CTNNA2: variants seen among roughly 807,000 people sequenced by gnomAD.
The protein encoded by CTNNA2 is catenin alpha-2.
A neutral mutation model predicts 101.0 loss-of-function variants in CTNNA2; 42 were observed. The observed-to-expected ratio is 0.42, with a 90% CI of 0.32 to 0.54. The LOEUF is 0.54. Among genes scored for constraint, CTNNA2 ranks in the 20% least tolerant of loss-of-function variants. The probability of loss-of-function intolerance (pLI) is 0.14; values close to 1 mark genes in which losing one functional copy is unlikely to be tolerated. For missense variants in CTNNA2, 871 were observed against 1,223.1 expected, an observed-to-expected ratio of 0.71 and a Z score of 4.29; for synonymous variants, 450 against 456.4, an observed-to-expected ratio of 0.99 and a Z score of 0.18.
chr2:79,845,860 T>C (rs1344225260), intron 3 of CTNNA2, among the ~76,000 whole-genome samples: 2 of 152,232 alleles, frequency 1.3e-5, no homozygotes, highest in Admixed American at 6.5e-5. Flanking sequence ...TTAAATGTTA[T>C]GTCTTCTTTA....
intron 9 of CTNNA2, among the ~76,000 whole-genome samples, chr2:80,508,586 A>G (rs960918407): frequency 3.3e-5 from 5 of 150,636 alleles, no homozygotes; most frequent in Admixed American, 2.0e-4. Flanking sequence ...TCTAGTCTAT[A>G]TTTTATCTCT....
chr2:79,379,305 A>G (rs577710075), intron 4 of CTNNA2, among the ~76,000 whole-genome samples: 1 of 152,338 alleles, frequency 6.6e-6, no homozygotes, highest in Non-Finnish European at 1.5e-5. Context: ...ATGCGTTATG[A>G]ATGTATAATA....
chr2:80,287,643 C>A (rs952745912), intron 7 of CTNNA2, among the ~76,000 whole-genome samples: 3 of 152,140 alleles, frequency 2.0e-5, no homozygotes, highest in African/African-American at 7.2e-5. Flanking sequence ...CCTTGAAAGT[C>A]GAATTTTTAA....
At chr2:79,515,296 G>A (rs1011116957) in intron 1 of CTNNA2, among the ~76,000 whole-genome samples, 31 of 152,180 alleles carry the variant, frequency 2.0e-4, no homozygotes, top group African/African-American at 7.5e-4. Context: ...CTAGAATACC[G>A]TGAAACAAGT....
chr2:79,627,456 C>T (rs376190604), intron 1 of CTNNA2, among the ~76,000 whole-genome samples: 1 of 152,176 alleles, frequency 6.6e-6, no homozygotes, highest in African/African-American at 2.4e-5. Flanking sequence ...GCTGCCTCCC[C>T]CTCATAGCAG....
chr2:80,368,954 A>G (rs1675203940), intron 7 of CTNNA2, among the ~76,000 whole-genome samples: 2 of 151,476 alleles, frequency 1.3e-5, no homozygotes, highest in Non-Finnish European at 1.5e-5. Context: ...TGGAACTGTC[A>G]GGTCAGCTGG....
chr2:79,926,364 T>G lies in CTNNA2; in HGVS notation c.1056+16567T>G, dbSNP rs191028168. ...AGTTTTTAGAAGAATATAGATGTAATATTTTGCAGCATACATAAGTTATAA... is the reference window on the plus strand; with the variant it reads ...AGTTTTTAGAAGAATATAGATGTAAGATTTTGCAGCATACATAAGTTATAA... On this transcript the variant is annotated intron_variant, in intron 7 of 18. Transcript: ENST00000402739. Among the ~76,000 whole-genome samples the G allele has an allele frequency of 3.9e-5, 6 of 152,264 alleles. No individual in the cohort carries two copies. In the East Asian group the frequency reaches 1.2e-3, roughly 29 times the overall value.
chr2:80,150,836 A>C (rs1282637176), intron 7 of CTNNA2, among the ~76,000 whole-genome samples: 1 of 152,202 alleles, frequency 6.6e-6, no homozygotes, highest in African/African-American at 2.4e-5. Context: ...ACTTGGAAAA[A>C]TATATCACCC....
At chr2:80,006,976 C>T (rs765322785) in intron 7 of CTNNA2, among the ~76,000 whole-genome samples, 2 of 152,142 alleles carry the variant, frequency 1.3e-5, no homozygotes, top group Non-Finnish European at 2.9e-5. Context: ...GAATTTTTGA[C>T]AATGCATTTG....
chr2:79,350,013 G>T (rs557974296), intron 3 of CTNNA2, among the ~76,000 whole-genome samples: 12 of 140,254 alleles, frequency 8.6e-5, no homozygotes, highest in African/African-American at 3.0e-4. Context: ...GGCAGAGCTT[G>T]CAGTGAGACG....
At chr2:79,558,146 A>G (rs771368286) in intron 1 of CTNNA2, among the ~76,000 whole-genome samples, 1 of 151,932 alleles carries the variant, frequency 6.6e-6, no homozygotes, top group African/African-American at 2.4e-5. Context: ...TAGTATGTTC[A>G]GGTAGTTTCC....
Position 80,122,799 on chromosome 2 carries a change from G to A in CTNNA2, c.1056+213002G>A, listed in dbSNP as rs6759536. Among the ~76,000 whole-genome samples the A allele has an allele frequency of 5.6e-3, 857 of 152,250 alleles. 7 individuals are homozygous for A. Among genetic ancestry groups the A allele is most frequent in the Middle Eastern group, 0.024 (7 of 294 alleles). On this transcript the variant is annotated intron_variant, in intron 7 of 18. Transcript: ENST00000402739. ...TAGATAATACAGTCCCTGCCGTTGG[G>A]TGGCTTACATGACACTGGAGAGTGA...
Position 79,982,192 on chromosome 2 carries a change from CTATATATATATATATATATATATATA to C in CTNNA2, c.1056+72419_1056+72444del, listed in dbSNP as rs70940064. ...TACCTGAGACCACAGGCATGTGCCA[CTATATATATATATATATATATATATA>C]TATATATATATATATATATATATGT... is the stretch of plus-strand genomic sequence containing the variant. On this transcript the variant is annotated intron_variant, in intron 7 of 18. Transcript: ENST00000402739. Among the ~76,000 whole-genome samples, 648 of 75,020 alleles carry C rather than the reference CTATATATATATATATATATATATATA, an allele frequency of 8.6e-3. 21 individuals carry two copies. Among genetic ancestry groups the C allele is most frequent in the South Asian group, 0.017 (33 of 1,950 alleles). The allele number at this position is 75,020 out of a possible 152,430, so 49.2% of individuals were successfully genotyped here.
chr2:79,666,515 A>G (rs541123268), intron 2 of CTNNA2, among the ~76,000 whole-genome samples: 12 of 152,128 alleles, frequency 7.9e-5, no homozygotes, highest in Non-Finnish European at 1.8e-4. Context: ...TTAGATATCC[A>G]TATACCACGT....
chr2:80,413,302 C>T (rs1679755461), intron 8 of CTNNA2, among the ~76,000 whole-genome samples: 1 of 151,978 alleles, frequency 6.6e-6, no homozygotes, highest in Non-Finnish European at 1.5e-5. Flanking sequence ...CTAATTGGTT[C>T]CATTAAAAAG....
rs527881722 is a variant in CTNNA2 at position 79,992,599 on chromosome 2, C to A, written c.1056+82802C>A. Among the ~76,000 whole-genome samples, 5 of 152,290 alleles carry A rather than the reference C, an allele frequency of 3.3e-5. No individual in the cohort carries two copies. In the Middle Eastern group the frequency reaches 0.017, roughly 518 times the overall value. On this transcript the variant is annotated intron_variant, in intron 7 of 18. Coordinates refer to ENST00000402739, the MANE Select transcript of CTNNA2 (RefSeq NM_001282597.3). ...TGTAAGATCTGGGGAAGGATTGAGG[C>A]TGCTATGCTAAGAGCGTTTATATGG...
chr2:80,093,737 G>A (rs1421871219), intron 7 of CTNNA2, among the ~76,000 whole-genome samples: 1 of 152,168 alleles, frequency 6.6e-6, no homozygotes, highest in East Asian at 1.9e-4. Context: ...GTTTTGATTT[G>A]TATTTCCCTG....
Position 79,210,810 on chromosome 2 carries a change from G to A in CTNNA2, c.-406+12734G>A, listed in dbSNP as rs940668332. ...AATGTTTTTCCTAAAGGCTCCCAGA[G>A]ATTCCGATGTGTCCCCCAATCCCCG... is the stretch of plus-strand genomic sequence containing the variant. On this transcript the variant is annotated intron_variant, in intron 2 of 21. Coordinates refer to the CTNNA2 transcript ENST00000466387. Among the ~76,000 whole-genome samples the A allele has an allele frequency of 4.6e-5, 7 of 152,240 alleles. No individual in the cohort carries two copies. In the South Asian group the frequency reaches 1.5e-3, roughly 32 times the overall value.
At chr2:79,423,876 G>A (rs958173539) in intron 4 of CTNNA2, among the ~76,000 whole-genome samples, 1 of 151,946 alleles carries the variant, frequency 6.6e-6, no homozygotes, top group Admixed American at 6.6e-5. Context: ...CTTTATTATT[G>A]TTCTTCAGAA....
Sources: allele counts gnomAD v4.1 joint callset (sites outside exome capture counted in the v4.1 genomes callset), GRCh38; gene constraint gnomAD v4.1.1; transcripts MANE v1.5; gene names NCBI Gene and HGNC (gene_info 2026-07-23, HGNC 2026-07-21).